CCDC191: variants seen among roughly 807,000 people sequenced by gnomAD.
CCDC191 encodes the protein coiled-coil domain-containing protein 191.
A neutral mutation model predicts 114.0 loss-of-function variants in CCDC191; 99 were observed. The observed-to-expected ratio is 0.87, with a 90% confidence interval of 0.74 to 1.03. The LOEUF is 1.03. Ranked by LOEUF, CCDC191 falls within the 50% of genes least tolerant of loss-of-function variation. The probability of loss-of-function intolerance (pLI) is 0.00; values close to 1 mark genes in which losing one functional copy is unlikely to be tolerated. For synonymous variants in CCDC191, 351 were observed against 376.0 expected (o/e 0.93, Z 0.77); for missense variants, 973 against 1,087.0 (o/e 0.90, Z 1.47).
At position 113,964,407 on chromosome 3, in the gene CCDC191, T is replaced by A. The variant is rs1466185943; in HGVS notation, c.*748A>T. On this transcript the variant is annotated 3_prime_UTR_variant, in exon 17 of 17. Transcript: ENST00000295878. The stretch of plus-strand genomic sequence containing the variant: ...ACATTCTTTGAATTCAAGATAGGTA[T>A]CTCAATATCTAGATCAAACTGAGCT... The A allele has an allele frequency of 6.6e-6, 1 of 152,200 alleles. No individual in the cohort carries two copies. The highest frequency in any genetic ancestry group is 1.5e-5 in the Non-Finnish European group (1 of 68,036). 9.4% of individuals were successfully genotyped at this position (152,200 alleles called of 1,614,324 possible).
At chr3:113,972,677 C>T (rs1198268790) in intron 16 of CCDC191, among the ~76,000 whole-genome samples, 1 of 152,024 alleles carries the variant, frequency 6.6e-6, no homozygotes, top group East Asian at 1.9e-4. Context: ...TGTTGAAGTC[C>T]CCTATGATTG....
At chr3:114,038,325 A>T (rs1037721470) in intron 4 of CCDC191, among the ~76,000 whole-genome samples, 1 of 152,230 alleles carries the variant, frequency 6.6e-6, no homozygotes, top group South Asian at 2.1e-4. Flanking sequence ...TGGACTGCGT[A>T]TATGAAGGTG....
At chr3:114,035,453 C>A (rs965719301) in intron 5 of CCDC191, among the ~76,000 whole-genome samples, 1 of 152,180 alleles carries the variant, frequency 6.6e-6, no homozygotes, top group Non-Finnish European at 1.5e-5. Context: ...TGATTTCTCA[C>A]TTGTAAGATT....
chr3:113,980,748 C>T lies in CCDC191; in HGVS notation c.2209G>A (p.Glu737Lys). 1 of 1,610,612 alleles carries T rather than the reference C, an allele frequency of 6.2e-7. No homozygotes were observed. Among genetic ancestry groups the T allele is most frequent in the Non-Finnish European group, 8.5e-7 (1 of 1,178,906 alleles). Reference sequence around the variant, plus strand: ...TCATAATGTTCTTTGGCTATTGCTTCCAGCTGCTGGTTCCTCTTAATTCTC... The same window carrying T: ...TCATAATGTTCTTTGGCTATTGCTTTCAGCTGCTGGTTCCTCTTAATTCTC... ...QKRIKRNQQL[E>K]AIAKEHYERV... Residue 737 changes from glutamate to lysine, a missense_variant, in exon 14 of 17, where the codon GAA becomes AAA. Glu to Lys is a moderately conservative substitution (Grantham distance 56, BLOSUM62 1). Transcript: ENST00000295878.
intron 4 of CCDC191, among the ~76,000 whole-genome samples, chr3:114,037,544 C>G (rs1220526052): frequency 6.6e-6 from 1 of 152,090 alleles, no homozygotes; most frequent in African/African-American, 2.4e-5. Context: ...ATTGTTTATT[C>G]ATTCATTTGT....
intron 8 of CCDC191, among the ~76,000 whole-genome samples, chr3:114,015,352 G>C (rs905680666): frequency 1.3e-5 from 2 of 152,170 alleles, no homozygotes; most frequent in African/African-American, 4.8e-5. Flanking sequence ...GGAAAGAATT[G>C]AGAAATCTGG....
chr3:113,982,856 A>AC (rs1225659500), intron 13 of CCDC191, among the ~76,000 whole-genome samples: 3 of 111,292 alleles, frequency 2.7e-5, no homozygotes, highest in Non-Finnish European at 5.7e-5. Context: ...AAACAAAAAA[A>AC]CAAAAAAAAA....
chr3:114,043,455 CA>C (rs2076590287), intron 3 of CCDC191, among the ~76,000 whole-genome samples: 1 of 152,138 alleles, frequency 6.6e-6, no homozygotes, highest in African/African-American at 2.4e-5. Flanking sequence ...ACTGGGGAAG[CA>C]ATACTACTGT....
At chr3:114,056,349 G>A in intron 1 of CCDC191, 28 bp downstream of exon 1, 2 of 1,608,110 alleles carry the variant, frequency 1.2e-6, no homozygotes, top group Non-Finnish European at 1.7e-6. Flanking sequence ...GAAAGTCCCC[G>A]CCCTCCAAAG....
intron 13 of CCDC191, among the ~76,000 whole-genome samples, chr3:113,991,883 A>G (rs1050303879): frequency 7.9e-5 from 12 of 152,226 alleles, no homozygotes; most frequent in African/African-American, 2.9e-4. Context: ...TAAATGGAAT[A>G]TGAAAGTTTA....
chr3:114,049,605 G>C (rs2076674943), intron 2 of CCDC191, among the ~76,000 whole-genome samples: 1 of 152,164 alleles, frequency 6.6e-6, no homozygotes, highest in South Asian at 2.1e-4. Context: ...GGTTGGGAGA[G>C]AAGAGGAGAA....
rs182895360 is a variant in CCDC191 at position 113,978,047 on chromosome 3, C to G, written c.2606+139G>C. 4.7e-6 allele frequency: 4 copies of G among 846,754 alleles called. No individual in the cohort carries two copies. The African/African-American group carries it at 6.8e-5, about 14-fold the overall frequency. 52.5% of individuals were successfully genotyped at this position (846,754 alleles called of 1,614,324 possible). Reference sequence around the variant, plus strand: ...GGGGTTTATTACATTGCTGGTGAGCCGGGACTCCCACCCCTGACTGGTGTT... The same window carrying G: ...GGGGTTTATTACATTGCTGGTGAGCGGGGACTCCCACCCCTGACTGGTGTT... On this transcript the variant is annotated intron_variant, in intron 16 of 16. Coordinates refer to ENST00000295878, the MANE Select transcript of CCDC191 (RefSeq NM_020817.2).
chr3:113,995,808 A>T (rs569375119), intron 13 of CCDC191, among the ~76,000 whole-genome samples: 89 of 152,254 alleles, frequency 5.8e-4, no homozygotes, highest in Non-Finnish European at 9.9e-4. Context: ...ACTTTTTACT[A>T]ATCGCTATTC....
chr3:114,043,533 C>A (rs1482129853), intron 3 of CCDC191, among the ~76,000 whole-genome samples: 1 of 152,178 alleles, frequency 6.6e-6, no homozygotes, highest in Non-Finnish European at 1.5e-5. Context: ...CACAAAAATT[C>A]TCTAGCCCAA....
chr3:114,001,764 T>C (rs764279915), intron 12 of CCDC191, 68 bp from the exon 13 acceptor site: 6 of 1,595,650 alleles, frequency 3.8e-6, no homozygotes, highest in Non-Finnish European at 5.1e-6. Context: ...CTTTTATGTT[T>C]AGGATAGTCA....
intron 4 of CCDC191, 193 bp from the exon 5 acceptor site, chr3:114,036,979 C>T (rs1255693527): frequency 9.9e-6 from 3 of 302,004 alleles, no homozygotes; most frequent in Admixed American, 1.0e-4. Flanking sequence ...AAAAAAGCTC[C>T]ACTTACCAAG....
At chr3:114,009,315 T>C (rs1192041487) in intron 9 of CCDC191, among the ~76,000 whole-genome samples, 4 of 152,192 alleles carry the variant, frequency 2.6e-5, no homozygotes, top group Non-Finnish European at 5.9e-5. Context: ...ACTTTTAAAT[T>C]ATTAACTTTT....
rs374250096 is a variant in CCDC191, at chr3:113,974,025, GCTCA to G, written c.2606+4157_2606+4160del. 5.1e-3 allele frequency among the ~76,000 whole-genome samples: 776 copies of G among 150,942 alleles called. 8 individuals are homozygous for G. The highest frequency in any genetic ancestry group is 0.018 in the African/African-American group (741 of 41,068). On this transcript the variant is annotated intron_variant, in intron 16 of 16. Coordinates refer to ENST00000295878, the MANE Select transcript of CCDC191 (RefSeq NM_020817.2). The stretch of plus-strand genomic sequence containing the variant: ...ATATTTTCAAGTGGCTTGTCTTTGG[GCTCA>G]CTAATTCTTTCCACTGCTTGATCCA...
At chr3:113,990,928 C>T (rs1332059335) in intron 13 of CCDC191, among the ~76,000 whole-genome samples, 1 of 99,920 alleles carries the variant, frequency 1.0e-5, no homozygotes, top group Non-Finnish European at 1.9e-5. Context: ...TGATAAAGCA[C>T]CTCAAAAAAA....
Sources: allele counts gnomAD v4.1 joint callset (sites outside exome capture counted in the v4.1 genomes callset), GRCh38; gene constraint gnomAD v4.1.1; transcripts MANE v1.5; gene names NCBI Gene and HGNC (gene_info 2026-07-23, HGNC 2026-07-21).